SGCD: variants seen among roughly 807,000 people sequenced by gnomAD.
SGCD encodes sarcoglycan delta, also known as delta-sarcoglycan.
A neutral mutation model predicts 36.6 loss-of-function variants in SGCD; 18 were observed. The ratio of observed to expected loss-of-function variants is 0.49; its 90% CI spans 0.34 to 0.73. The LOEUF is 0.73. SGCD is among the 30% of genes least tolerant of loss of function. SGCD has a pLI of 0.01. For missense variants in SGCD, 387 were observed against 346.7 expected, an observed-to-expected ratio of 1.12 and a Z score of -0.92; for synonymous variants, 133 against 130.6, an observed-to-expected ratio of 1.02 and a Z score of -0.12.
At chr5:156,241,885 CAG>C (rs1395984757) in intron 3 of SGCD, among the ~76,000 whole-genome samples, 1 of 152,064 alleles carries the variant, frequency 6.6e-6, no homozygotes, top group East Asian at 1.9e-4. Flanking sequence ...GTAGGTAGGA[CAG>C]AGCAAGGGAG....
chr5:156,054,135 G>A (rs1304741825), intron 1 of SGCD, among the ~76,000 whole-genome samples: 1 of 145,830 alleles, frequency 6.9e-6, no homozygotes, highest in African/African-American at 2.5e-5. Flanking sequence ...GGGAATATAA[G>A]TCTAGAGCTT....
chr5:155,790,388 A>G, the SGCD span, among the ~76,000 whole-genome samples: 1 of 152,126 alleles, frequency 6.6e-6, no homozygotes, highest in South Asian at 2.1e-4. Context: ...AATCAGAATA[A>G]TTTTTTGGTT....
In SGCD at chr5:156,724,476, G is replaced by A. The variant is rs550149335; in HGVS notation, c.576-33105G>A. ...AAAAACATTAGCTAGGCATGGTGGC[G>A]GGCACCTGCAGTCCCAGCTACTCAG... is the stretch of plus-strand genomic sequence containing the variant. On this transcript the variant is annotated intron_variant, in intron 7 of 8. Transcript: ENST00000337851. 3.2e-3 allele frequency among the ~76,000 whole-genome samples: 486 copies of A among 152,088 alleles called. 3 individuals carry two copies. Among genetic ancestry groups the A allele is most frequent in the African/African-American group, 0.011 (466 of 41,508 alleles).
chr5:156,385,173 C>T (rs1484247541), intron 3 of SGCD, among the ~76,000 whole-genome samples: 1 of 152,200 alleles, frequency 6.6e-6, no homozygotes, highest in Non-Finnish European at 1.5e-5. Context: ...TCTAATTCCA[C>T]CTTGACTAGT....
intron 3 of SGCD, among the ~76,000 whole-genome samples, chr5:156,290,811 C>T (rs1766740038): frequency 1.3e-5 from 2 of 152,018 alleles, no homozygotes; most frequent in Admixed American, 6.6e-5. Flanking sequence ...AGTAAATACC[C>T]CTCTGTAATC....
intron 3 of SGCD, among the ~76,000 whole-genome samples, chr5:156,289,075 G>A (rs976567189): frequency 1.3e-5 from 2 of 152,058 alleles, no homozygotes; most frequent in African/African-American, 4.8e-5. Flanking sequence ...TTTCCTAAAT[G>A]TGTTCTACAG....
At chr5:156,000,172 T>A (rs1758635365) in intron 1 of SGCD, among the ~76,000 whole-genome samples, 1 of 152,198 alleles carries the variant, frequency 6.6e-6, no homozygotes, top group Non-Finnish European at 1.5e-5. Flanking sequence ...TAGGTTCTGT[T>A]ACTCTCACCC....
chr5:156,643,735 T>A (rs1358287940), intron 6 of SGCD, among the ~76,000 whole-genome samples: 1 of 152,180 alleles, frequency 6.6e-6, no homozygotes, highest in East Asian at 1.9e-4. Context: ...ATTCTCTAGA[T>A]TGACTTCCTT....
chr5:155,755,102 T>C, the SGCD span, among the ~76,000 whole-genome samples: 28 of 152,226 alleles, frequency 1.8e-4, no homozygotes, highest in African/African-American at 6.8e-4. Context: ...GCCCTGATGC[T>C]ACATTTTCCT....
chr5:156,254,230 T>G (rs1581198140), intron 3 of SGCD, among the ~76,000 whole-genome samples: 1 of 152,322 alleles, frequency 6.6e-6, no homozygotes, highest in East Asian at 1.9e-4. Flanking sequence ...CTCTAGACAT[T>G]TTTAAAAATT....
rs149625331 is a variant in SGCD, at chr5:156,630,469, G to C, written c.503-16995G>C. 1.6e-3 allele frequency among the ~76,000 whole-genome samples: 251 copies of C among 152,270 alleles called. 1 individual carries two copies. Among genetic ancestry groups the C allele is most frequent in the African/African-American group, 5.8e-3 (239 of 41,542 alleles). Reference sequence around the variant, plus strand: ...AATTAACATTTATTGCACTCTTACTGTGTGCCATGCACTATTCTAAGTGCT... The same window carrying C: ...AATTAACATTTATTGCACTCTTACTCTGTGCCATGCACTATTCTAAGTGCT... On this transcript the variant is annotated intron_variant, in intron 6 of 8. Transcript: ENST00000337851.
intron 6 of SGCD, among the ~76,000 whole-genome samples, chr5:156,600,768 T>C (rs1240600267): frequency 6.6e-6 from 1 of 152,164 alleles, no homozygotes; most frequent in Non-Finnish European, 1.5e-5. Flanking sequence ...CTGTAATAGT[T>C]ATACTTATTT....
At chr5:156,609,203 G>T (rs964056082) in intron 6 of SGCD, among the ~76,000 whole-genome samples, 18 of 152,018 alleles carry the variant, frequency 1.2e-4, no homozygotes, top group Admixed American at 5.2e-4. Flanking sequence ...TTTCCATGTT[G>T]AGTGCTTCCT....
chr5:156,694,989 T>C (rs1754249907), intron 7 of SGCD, among the ~76,000 whole-genome samples: 1 of 152,186 alleles, frequency 6.6e-6, no homozygotes, highest in Non-Finnish European at 1.5e-5. Context: ...AAATGAATAT[T>C]ACTGCAGAAT....
intron 3 of SGCD, among the ~76,000 whole-genome samples, chr5:156,143,876 A>C (rs1329624762): frequency 3.7e-5 from 5 of 135,442 alleles, no homozygotes; most frequent in Non-Finnish European, 7.9e-5. Flanking sequence ...TCCTAAGGCT[A>C]TCCCTCCCCC....
intron 3 of SGCD, among the ~76,000 whole-genome samples, chr5:156,296,754 G>T (rs955642037): frequency 3.3e-5 from 5 of 152,116 alleles, no homozygotes; most frequent in African/African-American, 4.8e-5. Context: ...TGAGAGGAAT[G>T]TGTATTCTGT....
At chr5:156,181,324 A>G (rs1454962603) in intron 3 of SGCD, among the ~76,000 whole-genome samples, 4 of 152,202 alleles carry the variant, frequency 2.6e-5, no homozygotes, top group African/African-American at 7.2e-5. Flanking sequence ...AGGAAGACCT[A>G]AATAAGTGGA....
At chr5:156,286,638 C>T (rs1424680705) in intron 3 of SGCD, among the ~76,000 whole-genome samples, 2 of 151,998 alleles carry the variant, frequency 1.3e-5, no homozygotes, top group African/African-American at 4.8e-5. Context: ...AACACATGGA[C>T]ACAGGAAGGG....
intron 3 of SGCD, among the ~76,000 whole-genome samples, chr5:156,396,843 G>A (rs373192816): frequency 7.2e-5 from 11 of 152,218 alleles, no homozygotes; most frequent in South Asian, 4.1e-4. Flanking sequence ...TTCCTATTTC[G>A]AATAATTGAG....
Sources: allele counts gnomAD v4.1 joint callset (sites outside exome capture counted in the v4.1 genomes callset), GRCh38; gene constraint gnomAD v4.1.1; transcripts MANE v1.5; gene names NCBI Gene and HGNC (gene_info 2026-07-23, HGNC 2026-07-21).